The following GSR variants were observed in gnomAD, a reference collection of about 807,000 sequenced individuals.
GSR encodes glutathione reductase, mitochondrial.
In GSR, 48 loss-of-function variants were observed where a neutral mutation model predicts 56.5. That is an observed-to-expected ratio of 0.85 (90% CI 0.67 to 1.08). The LOEUF (loss-of-function observed/expected upper bound fraction) is 1.08. GSR is among the 50% of genes least tolerant of loss of function. The pLI is 0.00. For synonymous variants in GSR, 264 were observed against 270.8 expected (o/e 0.97, Z 0.25); for missense variants, 694 against 703.3 (o/e 0.99, Z 0.15).
intron 8 of GSR, among the ~76,000 whole-genome samples, chr8:30,690,084 TATAA>T (rs1233798988): frequency 2.8e-5 from 4 of 142,990 alleles, no homozygotes. Flanking sequence ...ATATATAAAA[TATAA>T]ATATATAAAT....
intron 9 of GSR, among the ~76,000 whole-genome samples, chr8:30,686,470 G>A (rs1048058481): frequency 1.3e-5 from 2 of 152,016 alleles, no homozygotes; most frequent in South Asian, 4.1e-4. Flanking sequence ...AGGATCGCTT[G>A]AGCCCAGTTC....
intron 1 of GSR, 23 bp from the exon 2 acceptor site, chr8:30,712,111 C>T (rs904006800): frequency 1.5e-6 from 2 of 1,339,580 alleles, no homozygotes; most frequent in African/African-American, 1.5e-5. Context: ...AAAAGAGACA[C>T]ACTTTAAGAA....
chr8:30,709,958 A>G (rs918780166), intron 2 of GSR, 56 bp from the exon 3 acceptor site: 18 of 932,324 alleles, frequency 1.9e-5, no homozygotes, highest in Admixed American at 1.2e-4. Flanking sequence ...GTCCTGAGGG[A>G]AAAAAGGAAT....
In GSR at chr8:30,686,668, C is replaced by T. The variant is rs575253704; in HGVS notation, c.1042-2469G>A. 9.1e-4 allele frequency among the ~76,000 whole-genome samples: 139 copies of T among 152,120 alleles called. 1 individual carries two copies. In the South Asian group the frequency reaches 0.012, roughly 13 times the overall value. ...CATGATGGCACCACTGTACTCCAGC[C>T]TAGGTGACAGAGCAAGACCCTATCC... On this transcript the variant is annotated intron_variant, in intron 9 of 12. Transcript: ENST00000221130.
chr8:30,712,406 G>C (rs1804183006), intron 1 of GSR, among the ~76,000 whole-genome samples: 1 of 152,178 alleles, frequency 6.6e-6, no homozygotes. Context: ...ATGGGCCAGG[G>C]CTTGGTAGTT....
intron 7 of GSR, among the ~76,000 whole-genome samples, chr8:30,693,919 T>C (rs970080195): frequency 1.3e-5 from 2 of 152,150 alleles, no homozygotes; most frequent in African/African-American, 4.8e-5. Flanking sequence ...GAAGCCCAAG[T>C]AGATGTGGCT....
chr8:30,685,629 A>G (rs1013676190), intron 9 of GSR, among the ~76,000 whole-genome samples: 2 of 152,158 alleles, frequency 1.3e-5, no homozygotes, highest in South Asian at 2.1e-4. Flanking sequence ...TCCTAAGTAT[A>G]TATGAGAAGT....
chr8:30,696,097 T>C (rs571417426), intron 7 of GSR, among the ~76,000 whole-genome samples: 1 of 152,226 alleles, frequency 6.6e-6, no homozygotes, highest in African/African-American at 2.4e-5. Context: ...TAGCTAATAG[T>C]TATGTTTAGG....
At chr8:30,690,906 A>T (rs528818412) in intron 8 of GSR, among the ~76,000 whole-genome samples, 95 of 150,752 alleles carry the variant, frequency 6.3e-4, no homozygotes, top group East Asian at 1.2e-3. Context: ...GTCTACAAAA[A>T]TTTTTTTTTT....
rs200936938 is a variant in GSR at position 30,680,922 on chromosome 8, A to G, written c.1401T>C (p.Cys467=). Residue 467 remains cysteine, a synonymous_variant, in exon 12 of 13, where the codon TGT becomes TGC. Coordinates refer to ENST00000221130, the MANE Select transcript of GSR (RefSeq NM_000637.5). ...RKTKCVMKMV[C]ANKEEKVVGI... is the part of the protein sequence containing the mutation. The stretch of plus-strand genomic sequence containing the variant: ...TCCTTACCTTTTCTTCCTTGTTAGC[A>G]CAGACCATTTTCATCACACATTTTG... 1.9e-6 allele frequency: 3 copies of G among 1,613,730 alleles called. No homozygotes were observed. Among genetic ancestry groups the G allele is most frequent in the Non-Finnish European group, 2.5e-6 (3 of 1,179,920 alleles).
intron 3 of GSR, 87 bp from the exon 4 acceptor site, chr8:30,708,228 C>G: frequency 5.4e-6 from 5 of 928,282 alleles, no homozygotes; most frequent in Non-Finnish European, 7.2e-6. Context: ...ACACCCCGAG[C>G]AGAGAATCAC....
At position 30,689,151 on chromosome 8, in the gene GSR, G is replaced by T. The variant is rs985858885; in HGVS notation, c.1041+10C>A. On this transcript the variant is annotated intron_variant, in intron 9 of 12. Transcript: ENST00000221130. ...TTCACAAATGTTTCGGGCAGACCAAGCCAGCTTACCAGTTTGTTTAAACTC... is the reference window on the plus strand; with the variant it reads ...TTCACAAATGTTTCGGGCAGACCAATCCAGCTTACCAGTTTGTTTAAACTC... 3 of 1,613,552 alleles carry T rather than the reference G, an allele frequency of 1.9e-6. No individual in the cohort carries two copies. Among genetic ancestry groups the T allele is most frequent in the Non-Finnish European group, 2.5e-6 (3 of 1,179,528 alleles).
chr8:30,720,135 G>A (rs1015632580), intron 1 of GSR, among the ~76,000 whole-genome samples: 1 of 152,058 alleles, frequency 6.6e-6, no homozygotes, highest in African/African-American at 2.4e-5. Context: ...GATCGTTTGA[G>A]CCCAGGAGTT....
intron 4 of GSR, among the ~76,000 whole-genome samples, chr8:30,703,567 C>A (rs952956215): frequency 1.5e-4 from 23 of 151,596 alleles, no homozygotes; most frequent in African/African-American, 5.6e-4. Context: ...GGAAACATGT[C>A]AAAACCCAGT....
At chr8:30,698,492 G>A (rs546866892) in intron 6 of GSR, among the ~76,000 whole-genome samples, 7 of 152,240 alleles carry the variant, frequency 4.6e-5, no homozygotes, top group East Asian at 1.9e-4. Flanking sequence ...ACATTTCTGC[G>A]ACCTGATAGC....
chr8:30,692,196 CTTTTTTTTTT>C (rs71206279), intron 8 of GSR, among the ~76,000 whole-genome samples: 3 of 76,434 alleles, frequency 3.9e-5, no homozygotes, highest in East Asian at 1.0e-3. Flanking sequence ...TAAAATACAG[CTTTTTTTTTT>C]TTTTTTTTTT....
chr8:30,689,050 G>C, intron 9 of GSR, 111 bp downstream of exon 9: 1 of 877,598 alleles, frequency 1.1e-6, no homozygotes, highest in Non-Finnish European at 1.9e-6. Context: ...ATGGGAAAAA[G>C]AGAAAAGAAT....
chr8:30,727,808 C>G lies in GSR; in HGVS notation c.28G>C (p.Ala10Pro). The G allele has an allele frequency of 7.7e-7, 1 of 1,304,858 alleles. No homozygotes were observed. The highest frequency in any genetic ancestry group is 3.4e-5 in the East Asian group (1 of 29,674). 80.8% of individuals were successfully genotyped at this position (1,304,858 alleles called of 1,614,324 possible). A position where few individuals can be genotyped will look rare whatever the true frequency, so the allele number is the denominator to read the frequency against. Reference protein sequence around the residue: MALLPRALSAGAGPSWRRAA... With the variant: MALLPRALSPGAGPSWRRAA... ...CGCCGCCAGCTCGGTCCCGCGCCGG[C>G]GCTCAGGGCTCGGGGCAGCAGGGCC... Residue 10 changes from alanine (A) to proline (P), a missense_variant, in exon 1 of 13, where the codon GCC (alanine) becomes CCC (proline). Coordinates refer to ENST00000221130, the MANE Select transcript of GSR (RefSeq NM_000637.5).
intron 3 of GSR, 124 bp downstream of exon 3, chr8:30,709,690 T>C: frequency 1.4e-6 from 1 of 711,866 alleles, no homozygotes; most frequent in East Asian, 2.7e-5. Flanking sequence ...ATGGCTAAAC[T>C]GTAAATCTCG....
Sources: allele counts gnomAD v4.1 joint callset (sites outside exome capture counted in the v4.1 genomes callset), GRCh38; gene constraint gnomAD v4.1.1; transcripts MANE v1.5; gene names NCBI Gene and HGNC (gene_info 2026-07-23, HGNC 2026-07-21).